The following PTPRD variants were observed in gnomAD, a reference collection of about 807,000 sequenced individuals.
The protein encoded by PTPRD is receptor-type tyrosine-protein phosphatase delta.
PTPRD carries 34 observed loss-of-function variants against 214.5 expected under a neutral mutation model. That is an observed-to-expected ratio of 0.16 (90% CI 0.12 to 0.21). The LOEUF (loss-of-function observed/expected upper bound fraction) is 0.21, where lower values mean the gene tolerates loss of function less well. Ranked by LOEUF, PTPRD falls within the 10% of genes least tolerant of loss-of-function variation. The probability of loss-of-function intolerance (pLI) is 1.00; values close to 1 mark genes in which losing one functional copy is unlikely to be tolerated. For missense variants in PTPRD, 2,545 were observed against 2,398.7 expected, an observed-to-expected ratio of 1.06 and a Z score of -1.27; for synonymous variants, 1,128 against 845.7, an observed-to-expected ratio of 1.33 and a Z score of -5.79.
At chr9:9,633,282 A>C (rs771675172) in intron 7 of PTPRD, among the ~76,000 whole-genome samples, 2 of 151,836 alleles carry the variant, frequency 1.3e-5, no homozygotes, top group African/African-American at 2.4e-5. Flanking sequence ...AGCCTGGGAG[A>C]GAGAGTGAGA....
chr9:9,917,694 CAA>C (rs914946705), intron 5 of PTPRD, among the ~76,000 whole-genome samples: 2 of 151,872 alleles, frequency 1.3e-5, no homozygotes, highest in African/African-American at 4.8e-5. Flanking sequence ...AAGTCTTAAA[CAA>C]AATACTAACA....
chr9:9,629,834 A>T (rs2095535819), intron 7 of PTPRD, among the ~76,000 whole-genome samples: 1 of 152,206 alleles, frequency 6.6e-6, no homozygotes. Context: ...AAGAAGGAAA[A>T]ACCAGCACTG....
intron 5 of PTPRD, among the ~76,000 whole-genome samples, chr9:9,876,216 T>A (rs1162097799): frequency 6.6e-6 from 1 of 152,092 alleles, no homozygotes; most frequent in Non-Finnish European, 1.5e-5. Flanking sequence ...CTATAAAAAT[T>A]TAGGAAACTT....
At chr9:10,286,499 A>C (rs1317862208) in intron 3 of PTPRD, among the ~76,000 whole-genome samples, 1 of 152,140 alleles carries the variant, frequency 6.6e-6, no homozygotes, top group Non-Finnish European at 1.5e-5. Flanking sequence ...TCTGATGCAA[A>C]AGGTTCTTAG....
intron 5 of PTPRD, among the ~76,000 whole-genome samples, chr9:9,899,391 A>G (rs2075838272): frequency 6.6e-6 from 1 of 152,156 alleles, no homozygotes; most frequent in African/African-American, 2.4e-5. Flanking sequence ...CAATGGGCAA[A>G]GAATGTGAAT....
chr9:9,537,455 C>T (rs183350303), intron 8 of PTPRD, among the ~76,000 whole-genome samples: 202 of 151,990 alleles, frequency 1.3e-3, no homozygotes, highest in African/African-American at 4.2e-3. Flanking sequence ...ATTTTCTTAT[C>T]GTGGAGTTCC....
chr9:8,387,463 T>A (rs2087547776), intron 37 of PTPRD, among the ~76,000 whole-genome samples: 1 of 152,220 alleles, frequency 6.6e-6, no homozygotes. Flanking sequence ...GCCTGCAGTG[T>A]CAAGATAAAA....
chr9:8,523,978 T>A (rs1377488647), intron 18 of PTPRD, among the ~76,000 whole-genome samples: 1 of 152,194 alleles, frequency 6.6e-6, no homozygotes, highest in African/African-American at 2.4e-5. Context: ...CATCCTATTG[T>A]AACTTAAAGC....
intron 9 of PTPRD, among the ~76,000 whole-genome samples, chr9:9,283,431 T>G (rs1948417872): frequency 6.6e-6 from 1 of 151,190 alleles, no homozygotes; most frequent in Non-Finnish European, 1.5e-5. Context: ...TTCAATTATA[T>G]CTTCTCATTT....
At chr9:10,127,341 A>G (rs1469470244) in intron 3 of PTPRD, among the ~76,000 whole-genome samples, 1 of 152,220 alleles carries the variant, frequency 6.6e-6, no homozygotes, top group Non-Finnish European at 1.5e-5. Flanking sequence ...TAATGTGGCA[A>G]AAGAAAATAA....
intron 2 of PTPRD, among the ~76,000 whole-genome samples, chr9:10,577,094 T>C (rs1012486775): frequency 9.7e-5 from 14 of 144,678 alleles, no homozygotes; most frequent in African/African-American, 3.4e-4. Context: ...TTTTTAAAGC[T>C]GTAATTTTTT....
At chr9:9,715,518 G>C (rs1433025112) in intron 7 of PTPRD, among the ~76,000 whole-genome samples, 1 of 151,934 alleles carries the variant, frequency 6.6e-6, no homozygotes, top group Admixed American at 6.6e-5. Context: ...AATTAAGATG[G>C]ACAGTTTTAC....
chr9:9,940,501 T>C (rs937405794), intron 4 of PTPRD, among the ~76,000 whole-genome samples: 1 of 152,106 alleles, frequency 6.6e-6, no homozygotes, highest in African/African-American at 2.4e-5. Flanking sequence ...TAGATTTGAG[T>C]CCTATCTCTA....
At chr9:9,488,005 C>G (rs1432492565) in intron 8 of PTPRD, among the ~76,000 whole-genome samples, 2 of 152,026 alleles carry the variant, frequency 1.3e-5, no homozygotes, top group South Asian at 2.1e-4. Flanking sequence ...TATTTTTATA[C>G]TATTTGTGTG....
intron 3 of PTPRD, among the ~76,000 whole-genome samples, chr9:10,227,754 G>C (rs2099593820): frequency 1.3e-5 from 2 of 151,978 alleles, no homozygotes; most frequent in Non-Finnish European, 1.5e-5. Flanking sequence ...GTGTTTATCA[G>C]TGTGTCCAGA....
chr9:8,499,615 A>C, intron 25 of PTPRD, 32 bp downstream of exon 25: 1 of 1,582,046 alleles, frequency 6.3e-7, no homozygotes, highest in East Asian at 2.2e-5. Context: ...CTTATTATAT[A>C]AAAACAGAGG....
At chr9:9,364,536 G>A (rs1286941279) in intron 9 of PTPRD, among the ~76,000 whole-genome samples, 1 of 151,420 alleles carries the variant, frequency 6.6e-6, no homozygotes, top group Non-Finnish European at 1.5e-5. Flanking sequence ...GCACATATAC[G>A]AGGGAAGAGC....
At chr9:8,752,385 A>G (rs564797571) in intron 11 of PTPRD, among the ~76,000 whole-genome samples, 1 of 152,126 alleles carries the variant, frequency 6.6e-6, no homozygotes, top group Non-Finnish European at 1.5e-5. Context: ...GTTACCCTAC[A>G]TGGTCTAAAA....
At chr9:9,246,954 C>G (rs974025988) in intron 9 of PTPRD, among the ~76,000 whole-genome samples, 1 of 151,800 alleles carries the variant, frequency 6.6e-6, no homozygotes, top group African/African-American at 2.4e-5. Context: ...ACCAAGGTCT[C>G]TCTGACCTTC....
Sources: allele counts gnomAD v4.1 joint callset (sites outside exome capture counted in the v4.1 genomes callset), GRCh38; gene constraint gnomAD v4.1.1; transcripts MANE v1.5; gene names NCBI Gene and HGNC (gene_info 2026-07-23, HGNC 2026-07-21).